Variants in CHAF1A observed in about 807,000 individuals in gnomAD.
CHAF1A encodes CAF-1 subunit A.
Under a neutral mutation model 93.2 loss-of-function variants are expected in CHAF1A, and 5 were observed. That is an observed-to-expected ratio of 0.05 (90% confidence interval 0.03 to 0.11). The LOEUF (loss-of-function observed/expected upper bound fraction) is 0.11, where lower values mean the gene tolerates loss of function less well. CHAF1A is among the 10% of genes least tolerant of loss of function. The pLI is 1.00. For missense variants in CHAF1A, 1,102 were observed against 1,259.9 expected (o/e 0.87, Z 1.90); for synonymous variants, 504 against 510.3 (o/e 0.99, Z 0.17).
chr19:4,440,266 C>T (rs774471055), intron 13 of CHAF1A, among the ~76,000 whole-genome samples: 48 of 152,134 alleles, frequency 3.2e-4, no homozygotes, highest in Middle Eastern at 3.4e-3. Context: ...GTGGCCTCTA[C>T]GCATCCTGTC....
downstream of CHAF1A, chr19:4,445,700 G>A (rs927900227): frequency 5.7e-6 from 9 of 1,565,260 alleles, no homozygotes; most frequent in African/African-American, 1.4e-5. Flanking sequence ...GGGCAACCTG[G>A]GCGCGGGGAT....
At chr19:4,430,755 G>A in intron 11 of CHAF1A, 114 bp downstream of exon 11, 1 of 1,100,862 alleles carries the variant, frequency 9.1e-7, no homozygotes, top group Non-Finnish European at 1.3e-6. Flanking sequence ...TACGAGATTT[G>A]GACTGCATTC....
At chr19:4,427,852 C>T (rs747461798) in intron 7 of CHAF1A, among the ~76,000 whole-genome samples, 3 of 151,864 alleles carry the variant, frequency 2.0e-5, no homozygotes, top group South Asian at 2.1e-4. Context: ...CCTCCCAAAG[C>T]GCTACAATTA....
intron 13 of CHAF1A, among the ~76,000 whole-genome samples, chr19:4,441,710 T>C (rs1568184715): frequency 6.6e-6 from 1 of 150,946 alleles, no homozygotes; most frequent in African/African-American, 2.4e-5. Context: ...ATCAAGACCA[T>C]CCGGATAACA....
downstream of CHAF1A, chr19:4,447,071 G>A: frequency 2.9e-6 from 2 of 693,172 alleles, no homozygotes; most frequent in Non-Finnish European, 4.9e-6. Context: ...AGTGCTGGAT[G>A]CAAACCTGCT....
intron 14 of CHAF1A, 134 bp downstream of exon 14, chr19:4,442,475 T>A (rs1487373607): frequency 1.3e-6 from 1 of 755,496 alleles, no homozygotes; most frequent in East Asian, 2.7e-5. Context: ...TGGAAGTGGC[T>A]CCTGCCCTGC....
downstream of CHAF1A, chr19:4,445,496 T>A (rs1256626299): frequency 3.1e-6 from 5 of 1,613,694 alleles, no homozygotes; most frequent in East Asian, 8.9e-5. Context: ...CCTGCTTTTA[T>A]TTCACAAGAG....
intron 10 of CHAF1A, chr19:4,430,203 A>G: frequency 6.1e-6 from 2 of 327,216 alleles, no homozygotes; most frequent in South Asian, 6.0e-5. Flanking sequence ...TTTAAGATGG[A>G]GTCTCACTCT....
chr19:4,442,555 G>A (rs1026257413), intron 14 of CHAF1A, among the ~76,000 whole-genome samples: 2 of 152,242 alleles, frequency 1.3e-5, no homozygotes, highest in African/African-American at 4.8e-5. Context: ...AGAGCCACAA[G>A]GGCCTATGCT....
chr19:4,406,062 A>G, intron 2 of CHAF1A, 100 bp downstream of exon 2: 1 of 933,836 alleles, frequency 1.1e-6, no homozygotes, highest in Non-Finnish European at 1.7e-6. Flanking sequence ...GAGGGGAGAG[A>G]AACAGTCCTT....
chr19:4,409,914 C>T (rs539925116), intron 3 of CHAF1A, among the ~76,000 whole-genome samples, 155 bp downstream of exon 3: 1 of 152,324 alleles, frequency 6.6e-6, no homozygotes, highest in Non-Finnish European at 1.5e-5. Context: ...GGTATCAAAA[C>T]TCACAGTGTT....
rs1293780447 is a variant in CHAF1A, at chr19:4,443,094, A to G, written c.*69A>G. On this transcript the variant is annotated 3_prime_UTR_variant, in exon 15 of 15. Transcript: ENST00000301280. ...CAGAGCAGATACTTGAACCGACTCA[A>G]TTCCTGTGTAAAGAGCACTTTGTCC... 1 of 1,021,496 alleles carries G rather than the reference A, an allele frequency of 9.8e-7. No individual in the cohort carries two copies. 63.3% of individuals were successfully genotyped at this position (1,021,496 alleles called of 1,614,324 possible). A position where few individuals can be genotyped will look rare whatever the true frequency, so the allele number is the denominator to read the frequency against.
chr19:4,433,720 G>C lies in CHAF1A; in HGVS notation c.2673+181G>C, dbSNP rs955608976. Among the ~76,000 whole-genome samples, 1 of 151,804 alleles carries C rather than the reference G, an allele frequency of 6.6e-6. No homozygotes were observed. The highest frequency in any genetic ancestry group is 1.5e-5 in the Non-Finnish European group (1 of 67,964). On this transcript the variant is annotated intron_variant, in intron 13 of 14. Transcript: ENST00000301280. This position sits in a 1 kb window ranked among gnomAD's most constrained non-coding sequence, Gnocchi z 5.6. ...GGGTTCAAGTGATTCTCCTGCCTTAGCCTCCTGAGTAGCTGGGATTACAGG... is the reference window on the plus strand; with the variant it reads ...GGGTTCAAGTGATTCTCCTGCCTTACCCTCCTGAGTAGCTGGGATTACAGG...
downstream of CHAF1A, chr19:4,446,804 A>T: frequency 5.0e-6 from 8 of 1,613,808 alleles, no homozygotes; most frequent in Non-Finnish European, 6.8e-6. Context: ...CCTCGTCCCC[A>T]TTCCCTACTC....
downstream of CHAF1A, chr19:4,447,351 T>C (rs1599674676): frequency 6.6e-6 from 4 of 604,638 alleles, no homozygotes; most frequent in Middle Eastern, 4.4e-4. Flanking sequence ...ATTTGTTGAT[T>C]TGGGGTGACC....
chr19:4,405,571 G>A (rs1417695518), intron 1 of CHAF1A, among the ~76,000 whole-genome samples: 1 of 150,368 alleles, frequency 6.7e-6, no homozygotes, highest in Admixed American at 6.6e-5. Flanking sequence ...CTGTGCCATT[G>A]CACTCCAGCC....
intron 8 of CHAF1A, 131 bp downstream of exon 8, chr19:4,429,021 C>A: frequency 1.4e-6 from 1 of 699,608 alleles, no homozygotes; most frequent in Non-Finnish European, 2.4e-6. Flanking sequence ...GGGCCCTGGG[C>A]TTCGGTGCTG....
chr19:4,436,913 G>A (rs1049808358), intron 13 of CHAF1A, among the ~76,000 whole-genome samples: 1 of 152,230 alleles, frequency 6.6e-6, no homozygotes, highest in African/African-American at 2.4e-5. Context: ...GAGTTACTGT[G>A]CTTCGGGGGC....
intron 11 of CHAF1A, chr19:4,430,875 A>G (rs1974169721): frequency 1.9e-6 from 1 of 528,496 alleles, no homozygotes; most frequent in Admixed American, 3.2e-5. Context: ...AGGAGCAGAC[A>G]CCCTGGTGAG....
Sources: allele counts gnomAD v4.1 joint callset (sites outside exome capture counted in the v4.1 genomes callset), GRCh38; gene constraint gnomAD v4.1.1; non-coding constraint Gnocchi (gnomAD v3.1); transcripts MANE v1.5; gene names NCBI Gene and HGNC (gene_info 2026-07-23, HGNC 2026-07-21).